Variants in BBS9 observed in about 807,000 individuals in gnomAD.
BBS9 encodes the protein Bardet-Biedl syndrome 9, also known as protein PTHB1.
Under a neutral mutation model 117.7 loss-of-function variants are expected in BBS9, and 89 were observed. That is an observed-to-expected ratio of 0.76 (90% confidence interval 0.64 to 0.90). The LOEUF (loss-of-function observed/expected upper bound fraction) is 0.90, where lower values mean the gene tolerates loss of function less well. Among genes scored for constraint, BBS9 ranks in the 40% least tolerant of loss-of-function variants. The pLI, the probability that BBS9 is intolerant of heterozygous loss-of-function variation, is 0.00. For synonymous variants in BBS9, 379 were observed against 370.9 expected (o/e 1.02, Z -0.25); for missense variants, 982 against 1,042.2 (o/e 0.94, Z 0.80).
chr7:33,372,991 G>A (rs1823140400), intron 17 of BBS9, among the ~76,000 whole-genome samples: 1 of 151,982 alleles, frequency 6.6e-6, no homozygotes, highest in African/African-American at 2.4e-5. Context: ...AGTATCAGAT[G>A]TAATTTCTAC....
intron 19 of BBS9, among the ~76,000 whole-genome samples, chr7:33,442,535 T>C (rs1836361492): frequency 6.6e-6 from 1 of 152,194 alleles, no homozygotes; most frequent in African/African-American, 2.4e-5. Context: ...ATTAATAATG[T>C]TAGAAAGTGT....
intron 5 of BBS9, among the ~76,000 whole-genome samples, chr7:33,221,042 T>C (rs1790149646): frequency 6.6e-6 from 1 of 152,254 alleles, no homozygotes; most frequent in South Asian, 2.1e-4. Flanking sequence ...GCCTAGATTG[T>C]CTTTACAGAC....
chr7:33,311,757 C>G (rs1460857273), intron 9 of BBS9, among the ~76,000 whole-genome samples: 1 of 151,536 alleles, frequency 6.6e-6, no homozygotes, highest in African/African-American at 2.4e-5. Flanking sequence ...GCGGAGGTTG[C>G]AGTGAGCCAA....
intron 19 of BBS9, among the ~76,000 whole-genome samples, chr7:33,396,803 C>T (rs1166839860): frequency 6.6e-6 from 1 of 152,074 alleles, no homozygotes; most frequent in Non-Finnish European, 1.5e-5. Context: ...TACAAGAACA[C>T]ACACAAAGAC....
intron 4 of BBS9, among the ~76,000 whole-genome samples, chr7:33,172,475 C>T (rs1031821266): frequency 3.9e-5 from 6 of 152,002 alleles, no homozygotes; most frequent in Non-Finnish European, 8.8e-5. Context: ...AGGCTCTAAA[C>T]CAAAAACAGC....
intron 11 of BBS9, among the ~76,000 whole-genome samples, chr7:33,344,182 T>C (rs1276720694): frequency 6.9e-6 from 1 of 145,334 alleles, no homozygotes; most frequent in African/African-American, 2.5e-5. Context: ...CCCGGGTTCA[T>C]GCCATTCTCC....
intron 5 of BBS9, among the ~76,000 whole-genome samples, chr7:33,202,066 G>A (rs183025429): frequency 6.6e-6 from 1 of 152,216 alleles, no homozygotes; most frequent in East Asian, 1.9e-4. Context: ...CCCACATTTG[G>A]GTATGTGGTA....
intron 19 of BBS9, among the ~76,000 whole-genome samples, chr7:33,473,446 C>T (rs1417906316): frequency 6.6e-6 from 1 of 151,828 alleles, no homozygotes; most frequent in Admixed American, 6.6e-5. Flanking sequence ...GCCTCAGCCT[C>T]CCAACTAGCT....
At chr7:33,144,183 A>G (rs1399472026) in intron 1 of BBS9, among the ~76,000 whole-genome samples, 1 of 152,176 alleles carries the variant, frequency 6.6e-6, no homozygotes, top group Non-Finnish European at 1.5e-5. Context: ...TCAAACTCAC[A>G]CAGGTTGCCT....
intron 1 of BBS9, among the ~76,000 whole-genome samples, chr7:33,136,691 TATA>T (rs1162831098): frequency 2.0e-5 from 3 of 152,240 alleles, no homozygotes; most frequent in Non-Finnish European, 4.4e-5. Context: ...AGTCATGTTA[TATA>T]ATACTTTTTA....
intron 19 of BBS9, among the ~76,000 whole-genome samples, chr7:33,432,918 G>T (rs1834741154): frequency 6.6e-6 from 1 of 151,824 alleles, no homozygotes; most frequent in Non-Finnish European, 1.5e-5. Context: ...ATTCTCTCCT[G>T]GGGCACTGAT....
At chr7:33,407,930 C>T (rs933077696) in intron 19 of BBS9, among the ~76,000 whole-genome samples, 6 of 152,232 alleles carry the variant, frequency 3.9e-5, no homozygotes, top group Non-Finnish European at 7.3e-5. Context: ...CTCAGATCTC[C>T]AGCTGCATGC....
chr7:33,298,133 T>G (rs1236528970), intron 9 of BBS9, among the ~76,000 whole-genome samples: 1 of 152,072 alleles, frequency 6.6e-6, no homozygotes, highest in Non-Finnish European at 1.5e-5. Context: ...ATATTTTCAT[T>G]TTTTTTCATT....
At chr7:33,377,085 A>G (rs866173289) in intron 17 of BBS9, among the ~76,000 whole-genome samples, 1 of 152,044 alleles carries the variant, frequency 6.6e-6, no homozygotes, top group African/African-American at 2.4e-5. Context: ...TTTTGTTGCA[A>G]TTGCTTTTGG....
chr7:33,338,869 A>AG (rs776034795), intron 10 of BBS9, among the ~76,000 whole-genome samples: 3 of 152,196 alleles, frequency 2.0e-5, no homozygotes, highest in Non-Finnish European at 4.4e-5. Flanking sequence ...ATGAGTATGA[A>AG]GGACTGGGTG....
intron 7 of BBS9, among the ~76,000 whole-genome samples, chr7:33,267,555 C>T (rs1213516136): frequency 6.6e-6 from 1 of 151,412 alleles, no homozygotes; most frequent in Non-Finnish European, 1.5e-5. Context: ...TTTAGGGTTT[C>T]CAGTTTTTCT....
chr7:33,534,193 T>C lies in BBS9; in HGVS notation c.2521+17T>C, dbSNP rs745474202. On this transcript the variant is annotated intron_variant, in intron 21 of 22. Transcript: ENST00000242067. The stretch of plus-strand genomic sequence containing the variant: ...TCATGCCAGGTAAGAGCTCTGTCCA[T>C]GCTCCCTAATCACAATTGTACTTCT... The C allele has an allele frequency of 2.5e-6, 4 of 1,607,486 alleles. No individual in the cohort carries two copies. The highest frequency in any genetic ancestry group is 3.4e-6 in the Non-Finnish European group (4 of 1,174,610).
At chr7:33,192,407 G>A (rs915209170) in intron 5 of BBS9, among the ~76,000 whole-genome samples, 8 of 152,092 alleles carry the variant, frequency 5.3e-5, no homozygotes, top group African/African-American at 7.2e-5. Flanking sequence ...CCTGCAATTC[G>A]TGCACTTGAA....
intron 4 of BBS9, among the ~76,000 whole-genome samples, chr7:33,175,074 C>T (rs897412170): frequency 1.3e-4 from 20 of 152,130 alleles, no homozygotes; most frequent in African/African-American, 3.9e-4. Context: ...GAGGCCGAGG[C>T]GAGTGGAACA....
Sources: allele counts gnomAD v4.1 joint callset (sites outside exome capture counted in the v4.1 genomes callset), GRCh38; gene constraint gnomAD v4.1.1; transcripts MANE v1.5; gene names NCBI Gene and HGNC (gene_info 2026-07-23, HGNC 2026-07-21).